USP21: variants seen among roughly 807,000 people sequenced by gnomAD.
USP21 encodes the protein ubiquitin specific peptidase 21, also known as ubiquitin carboxyl-terminal hydrolase 21.
In USP21, 37 loss-of-function variants were observed where a neutral mutation model predicts 70.8. The ratio of observed to expected loss-of-function variants is 0.52; its 90% CI spans 0.40 to 0.69. USP21 has a LOEUF of 0.69. USP21 is among the 30% of genes least tolerant of loss of function. USP21 has a pLI of 0.00. For missense variants in USP21, 584 were observed against 740.8 expected (o/e 0.79, Z 2.46); for synonymous variants, 263 against 283.1 (o/e 0.93, Z 0.71).
chr1:161,163,842 A>G, intron 8 of USP21, 36 bp from the exon 9 acceptor site: 1 of 1,585,016 alleles, frequency 6.3e-7, no homozygotes, highest in Non-Finnish European at 8.7e-7. Flanking sequence ...AACATCCAAC[A>G]ATGACCTTTT....
chr1:161,161,008 G>A lies in USP21; in HGVS notation c.368G>A (p.Gly123Glu), dbSNP rs1657878954. The A allele has an allele frequency of 6.2e-7, 1 of 1,614,152 alleles. No homozygotes were observed. The highest frequency in any genetic ancestry group is 8.5e-7 in the Non-Finnish European group (1 of 1,180,050). Residue 123 changes from glycine to glutamate, a missense_variant, in exon 3 of 14, where the codon GGG (glycine) becomes GAG (glutamate). By Grantham distance (98) the Gly-to-Glu change is moderately conservative. Around this residue, in one of 4 missense-constraint regions of USP21, gnomAD observed 284 missense variants for 281.0 expected, o/e 1.01. Transcript: ENST00000368002. This position sits in a 1 kb window ranked among gnomAD's most constrained non-coding sequence, Gnocchi z 4.2. ...SVSSGDLRPM[G>E]IALGGHRGTG... The stretch of plus-strand genomic sequence containing the variant: ...AGCAGTGGGGACTTGCGTCCAATGG[G>A]GATTGCCTTGGGAGGGCACCGTGGC...
chr1:161,161,299 T>TCCTCTGC lies in USP21; in HGVS notation c.600+61_600+67dup. The TCCTCTGC allele has an allele frequency of 2.0e-6, 3 of 1,514,260 alleles. 1 individual carries two copies. Among genetic ancestry groups the TCCTCTGC allele is most frequent in the Middle Eastern group, 1.8e-4 (1 of 5,644 alleles). The allele number at this position is 1,514,260 out of a possible 1,614,324, so 93.8% of individuals were successfully genotyped here. ...CATGTTCCTCTGTGCTTTCCTGCCA[T>TCCTCTGC]CCTCTGCCTTTTCTGTCCCCCATTT... On this transcript the variant is annotated intron_variant, in intron 3 of 13. Transcript: ENST00000368002. This position sits in a 1 kb window ranked among gnomAD's most constrained non-coding sequence, Gnocchi z 4.2.
rs1657817276 is a variant in USP21 at position 161,160,463 on chromosome 1, A to T, written c.-65A>T. 1.3e-6 allele frequency: 1 copy of T among 796,076 alleles called. No homozygotes were observed. Among genetic ancestry groups the T allele is most frequent in the Admixed American group, 2.4e-5 (1 of 42,248 alleles). 49.3% of individuals were successfully genotyped at this position (796,076 alleles called of 1,614,324 possible). A position where few individuals can be genotyped will look rare whatever the true frequency, so the allele number is the denominator to read the frequency against. ...GTTGATGTGGTAGTGGTGATGACTG[A>T]GCCAACCACCTAATGTGGAAATGAG... On this transcript the variant is annotated 5_prime_UTR_variant, in exon 2 of 14. Coordinates refer to ENST00000368002, the MANE Select transcript of USP21 (RefSeq NM_001014443.3).
In USP21 at chr1:161,161,109, C is replaced by G; in HGVS notation, c.469C>G (p.Leu157Val). The G allele has an allele frequency of 6.2e-7, 1 of 1,614,242 alleles. No individual in the cohort carries two copies. Among genetic ancestry groups the G allele is most frequent in the Non-Finnish European group, 8.5e-7 (1 of 1,180,028 alleles). The change falls in exon 3 of 14, where the codon CTC becomes GTC. Residue 157 changes from leucine to valine, a missense_variant. Transcript: ENST00000368002. The surrounding 1 kb of genome is among the most constrained non-coding windows in gnomAD (Gnocchi z 4.2). ...ACCCACTTTGAGACGTAGCACTTCT[C>G]TCCGCCGCCTAGGGGGCTTTCCTGG... Reference protein sequence around the residue: ...EPPTLRRSTSLRRLGGFPGPP... With the variant: ...EPPTLRRSTSVRRLGGFPGPP...
At position 161,160,902 on chromosome 1, in the gene USP21, G is replaced by T. The variant is rs1272565073; in HGVS notation, c.262G>T (p.Val88Phe). The change falls in exon 3 of 14, where the codon GTT becomes TTT. Residue 88 changes from valine (V) to phenylalanine (F), a missense_variant. Transcript: ENST00000368002. ...AGGCCCCCTTCGAGCAGATCATGGG[G>T]TTCCCCTGCCTGGCTCACCACCCCC... ...PRGPLRADHG[V>F]PLPGSPPPTV... 2.3e-5 allele frequency: 37 copies of T among 1,614,072 alleles called. No homozygotes were observed. In the Admixed American group the frequency reaches 6.2e-4, roughly 27 times the overall value.
rs1416201938 is a variant in USP21, at chr1:161,164,792, C to T, written c.1385-43C>T. ...CTTTCAGGATAGAAGAAGTTCCCCT[C>T]AGAGGCCCACTGCCTCCCAAATGCT... On this transcript the variant is annotated intron_variant, in intron 11 of 13. Transcript: ENST00000368002. This position sits in a 1 kb window ranked among gnomAD's most constrained non-coding sequence, Gnocchi z 4.2. The T allele has an allele frequency of 6.2e-7, 1 of 1,601,666 alleles. No individual in the cohort carries two copies. The highest frequency in any genetic ancestry group is 8.5e-7 in the Non-Finnish European group (1 of 1,172,316).
Position 161,164,342 on chromosome 1 carries a change from G to A in USP21, c.1305+92G>A, listed in dbSNP as rs535496029. 29 of 1,390,250 alleles carry A rather than the reference G, an allele frequency of 2.1e-5. No individual in the cohort carries two copies. The highest frequency in any genetic ancestry group is 2.8e-5 in the Non-Finnish European group (27 of 980,524). 86.1% of individuals were successfully genotyped at this position (1,390,250 alleles called of 1,614,324 possible). A position where few individuals can be genotyped will look rare whatever the true frequency, so the allele number is the denominator to read the frequency against. On this transcript the variant is annotated intron_variant, in intron 10 of 13. Coordinates refer to ENST00000368002, the MANE Select transcript of USP21 (RefSeq NM_001014443.3). The surrounding 1 kb of genome is among the most constrained non-coding windows in gnomAD (Gnocchi z 4.2). ...GGGATTGCATGATGTCTTCATATGG[G>A]GAATAATATTTATGTATCTGGGTTT...
Position 161,164,510 on chromosome 1 carries a change from T to G in USP21, c.1306-24T>G. On this transcript the variant is annotated intron_variant, in intron 10 of 13. Transcript: ENST00000368002. This position sits in a 1 kb window ranked among gnomAD's most constrained non-coding sequence, Gnocchi z 4.2. The stretch of plus-strand genomic sequence containing the variant: ...AATTGAGGTTAGGAGCATATTAACC[T>G]AACACTGTTTGCCATTTATTCAGGT... 1 of 1,614,118 alleles carries G rather than the reference T, an allele frequency of 6.2e-7. No homozygotes were observed. Among genetic ancestry groups the G allele is most frequent in the Non-Finnish European group, 8.5e-7 (1 of 1,179,992 alleles).
rs779718932 is a variant in USP21 at position 161,162,923 on chromosome 1, C to A, written c.898C>A (p.Gln300Lys). The A allele has an allele frequency of 1.1e-5, 17 of 1,607,978 alleles. No homozygotes were observed. The highest frequency in any genetic ancestry group is 1.4e-5 in the Non-Finnish European group (16 of 1,176,798). Residue 300 changes from glutamine to lysine, a missense_variant, in exon 7 of 14, where the codon CAG (glutamine) becomes AAG (lysine). By Grantham distance (53) the Gln-to-Lys change is moderately conservative (BLOSUM62 1). Around this residue, in one of 4 missense-constraint regions of USP21, gnomAD observed 87 missense variants for 162.4 expected, o/e 0.54. Transcript: ENST00000368002. The surrounding 1 kb of genome is among the most constrained non-coding windows in gnomAD (Gnocchi z 4.1). Reference protein sequence around the residue: ...YVPSFSGYSQQDAQEFLKLLM... With the variant: ...YVPSFSGYSQKDAQEFLKLLM... The stretch of plus-strand genomic sequence containing the variant: ...ATACTCTTTGTCTGGCTGTAGCCAG[C>A]AGGATGCCCAAGAGTTCCTGAAGCT...
Position 161,164,771 on chromosome 1 carries a change from C to T in USP21, c.1385-64C>T, listed in dbSNP as rs1030313635. 1.5e-5 allele frequency: 24 copies of T among 1,596,816 alleles called. No homozygotes were observed. In the African/African-American group the frequency reaches 2.6e-4, roughly 17 times the overall value. On this transcript the variant is annotated intron_variant, in intron 11 of 13. Transcript: ENST00000368002. The surrounding 1 kb of genome is among the most constrained non-coding windows in gnomAD (Gnocchi z 4.2). ...TCGGGAGTGGGGAGAGGACAGCTTT[C>T]AGGATAGAAGAAGTTCCCCTCAGAG...
chr1:161,165,641 A>T lies in USP21; in HGVS notation c.*194A>T. The stretch of plus-strand genomic sequence containing the variant: ...TCCCTTGTCTCCCAGCCCCATGTAC[A>T]AAGCTCACCAAGCCCCTGCCCATGT... On this transcript the variant is annotated 3_prime_UTR_variant, in exon 14 of 14. Transcript: ENST00000368002. The T allele has an allele frequency of 1.8e-6, 1 of 562,282 alleles. No homozygotes were observed. The highest frequency in any genetic ancestry group is 3.2e-6 in the Non-Finnish European group (1 of 314,394). The allele number at this position is 562,282 out of a possible 1,614,324, so 34.8% of individuals were successfully genotyped here.
rs1439523776 is a variant in USP21 at position 161,164,001 on chromosome 1, CG to C, written c.1218+24del. 5.0e-6 allele frequency: 8 copies of C among 1,611,526 alleles called. No homozygotes were observed. Among genetic ancestry groups the C allele is most frequent in the Non-Finnish European group, 6.8e-6 (8 of 1,177,832 alleles). On this transcript the variant is annotated intron_variant, in intron 9 of 13. Transcript: ENST00000368002. This position sits in a 1 kb window ranked among gnomAD's most constrained non-coding sequence, Gnocchi z 4.2. ...CCCAAGGTGGGATTCCAGAGGATTC[CG>C]GGGTGGACAGGACAGGGGCTCTGTG...
Position 161,162,987 on chromosome 1 carries a change from G to C in USP21, c.962G>C (p.Gly321Ala), listed in dbSNP as rs17356051. Residue 321 changes from glycine to alanine, a missense_variant, in exon 7 of 14, where the codon GGC (glycine) becomes GCC (alanine). Gly to Ala is a moderately conservative substitution (Grantham distance 60). This residue lies in a region of USP21 where 87 missense variants were observed against 162.4 expected (regional missense o/e 0.54). Coordinates refer to ENST00000368002, the MANE Select transcript of USP21 (RefSeq NM_001014443.3). This position sits in a 1 kb window ranked among gnomAD's most constrained non-coding sequence, Gnocchi z 4.1. ...ERLHLEINRR[G>A]RRAPPILANG... ...CTACACCTTGAAATCAACCGCCGAG[G>C]CCGCCGGGCTCCACCGATACTTGCC... The C allele has an allele frequency of 1.9e-6, 3 of 1,613,802 alleles. No individual in the cohort carries two copies. The highest frequency in any genetic ancestry group is 2.5e-6 in the Non-Finnish European group (3 of 1,179,868).
rs1658675064 is a variant in USP21 at position 161,165,717 on chromosome 1, G to GA, written c.*276dup. On this transcript the variant is annotated 3_prime_UTR_variant, in exon 14 of 14. Coordinates refer to ENST00000368002, the MANE Select transcript of USP21 (RefSeq NM_001014443.3). Reference sequence around the variant, plus strand: ...CACTTTTTGTGAATAAATTTATTAAGAAAAAATGATGTGCTTATTTGTATT... The same window carrying GA: ...CACTTTTTGTGAATAAATTTATTAAGAAAAAAATGATGTGCTTATTTGTATT... 2.7e-6 allele frequency: 1 copy of GA among 365,484 alleles called. No individual in the cohort carries two copies. 22.6% of individuals were successfully genotyped at this position (365,484 alleles called of 1,614,324 possible).
rs1657924437 is a variant in USP21 at position 161,161,439 on chromosome 1, T to C, written c.600+199T>C. 1 of 621,550 alleles carries C rather than the reference T, an allele frequency of 1.6e-6. No individual in the cohort carries two copies. The highest frequency in any genetic ancestry group is 1.8e-5 in the African/African-American group (1 of 54,344). The allele number at this position is 621,550 out of a possible 1,614,324, so 38.5% of individuals were successfully genotyped here. ...TTGGGTTGTTGGTGACTCTTCAGCA[T>C]GGTGTGCCATTTCGGTCCCCAGGGG... On this transcript the variant is annotated intron_variant, in intron 3 of 13. Coordinates refer to ENST00000368002, the MANE Select transcript of USP21 (RefSeq NM_001014443.3). This position sits in a 1 kb window ranked among gnomAD's most constrained non-coding sequence, Gnocchi z 4.2.
rs889236148 is a variant in USP21, at chr1:161,164,696, TC to T, written c.1384+86del. 3.7e-6 allele frequency: 6 copies of T among 1,605,886 alleles called. No homozygotes were observed. The African/African-American group carries it at 8.0e-5, about 22-fold the overall frequency. On this transcript the variant is annotated intron_variant, in intron 11 of 13. Transcript: ENST00000368002. The surrounding 1 kb of genome is among the most constrained non-coding windows in gnomAD (Gnocchi z 4.2). ...TCCATGTTTCCAGAGAATTGAATTT[TC>T]CTTAGGAAAAGTCTGCCACCCACTT...
chr1:161,163,414 T>A, intron 7 of USP21, 141 bp from the exon 8 acceptor site: 1 of 778,822 alleles, frequency 1.3e-6, no homozygotes, highest in Non-Finnish European at 2.1e-6. Context: ...CATTATTCTT[T>A]TGACTTTTCC....
rs2101805860 is a variant in USP21 at position 161,161,967 on chromosome 1, G to A, written c.601-71G>A. ...CATGGGATGGGGGAGGCAGTGGGCA[G>A]CATGCTGTTGAAAGGTTAAAGTGCC... On this transcript the variant is annotated intron_variant, in intron 3 of 13. Coordinates refer to ENST00000368002, the MANE Select transcript of USP21 (RefSeq NM_001014443.3). This position sits in a 1 kb window ranked among gnomAD's most constrained non-coding sequence, Gnocchi z 4.2. The A allele has an allele frequency of 6.9e-7, 1 of 1,447,230 alleles. No homozygotes were observed. The highest frequency in any genetic ancestry group is 9.7e-7 in the Non-Finnish European group (1 of 1,027,830). 89.6% of individuals were successfully genotyped at this position (1,447,230 alleles called of 1,614,324 possible). A position where few individuals can be genotyped will look rare whatever the true frequency, so the allele number is the denominator to read the frequency against.
In USP21 at chr1:161,160,524, G is replaced by A; in HGVS notation, c.-22+18G>A. On this transcript the variant is annotated intron_variant, in intron 2 of 13. Coordinates refer to ENST00000368002, the MANE Select transcript of USP21 (RefSeq NM_001014443.3). ...GATTGTGGGTATGGAATGGGGCAAA[G>A]CAATAAGGGAAAATTAGTGTGGCAG... The A allele has an allele frequency of 7.7e-7, 1 of 1,294,544 alleles. No homozygotes were observed. The highest frequency in any genetic ancestry group is 1.4e-5 in the South Asian group (1 of 73,112). The allele number at this position is 1,294,544 out of a possible 1,614,324, so 80.2% of individuals were successfully genotyped here.
Sources: gnomAD v4.1 joint callset for allele counts on GRCh38, gnomAD v4.1.1 for gene constraint, gnomAD v4.1.1 regional missense constraint, Gnocchi (gnomAD v3.1) non-coding constraint, MANE v1.5 for transcripts, NCBI Gene and HGNC (gene_info 2026-07-23, HGNC 2026-07-21) for gene names.